ZMYND11: variants seen among roughly 807,000 people sequenced by gnomAD.
ZMYND11 encodes the protein zinc finger MYND domain-containing protein 11.
A neutral mutation model predicts 84.9 loss-of-function variants in ZMYND11; 9 were observed. The ratio of observed to expected loss-of-function variants is 0.11; its 90% CI spans 0.06 to 0.18. The LOEUF (loss-of-function observed/expected upper bound fraction) is 0.18. ZMYND11 is among the 10% of genes least tolerant of loss of function. The pLI, the probability that ZMYND11 is intolerant of heterozygous loss-of-function variation, is 1.00. For missense variants in ZMYND11, 409 were observed against 761.0 expected (o/e 0.54, Z 5.44); for synonymous variants, 250 against 244.1 (o/e 1.02, Z -0.23).
intron 4 of ZMYND11, among the ~76,000 whole-genome samples, chr10:232,615 G>C (rs1377366875): frequency 6.6e-6 from 1 of 152,206 alleles, no homozygotes; most frequent in Non-Finnish European, 1.5e-5. Flanking sequence ...CAGTGCTTGA[G>C]AAGGGCTTCA....
At chr10:178,372 GTATT>G (rs1847124499) in intron 1 of ZMYND11, among the ~76,000 whole-genome samples, 2 of 152,130 alleles carry the variant, frequency 1.3e-5, no homozygotes, top group Admixed American at 6.5e-5. Flanking sequence ...ATTTATCTGA[GTATT>G]TATATAATCT....
intron 3 of ZMYND11, among the ~76,000 whole-genome samples, chr10:220,336 A>C (rs920458775): frequency 6.6e-6 from 1 of 152,196 alleles, no homozygotes; most frequent in East Asian, 1.9e-4. Flanking sequence ...CACTCTTAGC[A>C]TAAATATATT....
intron 1 of ZMYND11, among the ~76,000 whole-genome samples, chr10:154,188 C>T (rs1186046121): frequency 6.6e-6 from 1 of 152,160 alleles, no homozygotes; most frequent in Non-Finnish European, 1.5e-5. Context: ...CACATTTTCT[C>T]TTCATTTTTC....
At chr10:151,396 G>T (rs190343868) in intron 1 of ZMYND11, among the ~76,000 whole-genome samples, 3 of 152,178 alleles carry the variant, frequency 2.0e-5, no homozygotes, top group African/African-American at 4.8e-5. Flanking sequence ...GAAAACCATC[G>T]CATGAGAACT....
At chr10:201,656 G>A (rs1038600814) in intron 2 of ZMYND11, among the ~76,000 whole-genome samples, 1 of 149,756 alleles carries the variant, frequency 6.7e-6, no homozygotes, top group Non-Finnish European at 1.5e-5. Flanking sequence ...TCTCGGGGAG[G>A]GGATCATCTC....
intron 4 of ZMYND11, among the ~76,000 whole-genome samples, chr10:236,383 C>T (rs973853396): frequency 2.0e-5 from 3 of 152,182 alleles, no homozygotes; most frequent in Admixed American, 1.3e-4. Context: ...TATGCAGCTG[C>T]GCTGTGCAAA....
intron 7 of ZMYND11, 65 bp downstream of exon 7, chr10:239,590 CTATCTTTTATAAAACAT>C: frequency 9.0e-7 from 1 of 1,108,400 alleles, no homozygotes; most frequent in Non-Finnish European, 1.3e-6. Flanking sequence ...ATGTTGAACA[CTATCTTTTATAAAACAT>C]TACTTTCAAA....
intron 2 of ZMYND11, among the ~76,000 whole-genome samples, chr10:180,538 T>A (rs938598347): frequency 5.9e-5 from 9 of 152,234 alleles, no homozygotes; most frequent in Admixed American, 5.9e-4. Context: ...TAGCTGGGAT[T>A]ACAGGCACCC....
intron 1 of ZMYND11, among the ~76,000 whole-genome samples, chr10:164,264 G>A (rs1249950766): frequency 6.6e-6 from 1 of 151,974 alleles, no homozygotes; most frequent in African/African-American, 2.4e-5. Flanking sequence ...CTCAATTAAC[G>A]GCTTTTGCAT....
intron 1 of ZMYND11, among the ~76,000 whole-genome samples, chr10:151,125 A>T (rs1416060480): frequency 6.6e-6 from 1 of 152,224 alleles, no homozygotes; most frequent in East Asian, 1.9e-4. Flanking sequence ...GAAAAAACAG[A>T]GCAGAAAAGC....
chr10:244,271 G>A (rs1313897427), intron 10 of ZMYND11, among the ~76,000 whole-genome samples: 1 of 152,164 alleles, frequency 6.6e-6, no homozygotes, highest in Non-Finnish European at 1.5e-5. Context: ...GCCACTGGTT[G>A]CAAGTTTTGG....
intron 12 of ZMYND11, among the ~76,000 whole-genome samples, chr10:247,852 G>A (rs1475121678): frequency 6.6e-6 from 1 of 152,206 alleles, no homozygotes; most frequent in African/African-American, 2.4e-5. Context: ...GGAGACTGTG[G>A]TTGAGCTCAG....
Position 248,542 on chromosome 10 carries a change from C to G in ZMYND11, c.1434C>G (p.Phe478Leu). The change falls in exon 13 of 15, where the codon TTC (phenylalanine) becomes TTG (leucine). Residue 478 changes from phenylalanine (F) to leucine (L), a missense_variant. Transcript: ENST00000381604. ...AATACACCAAGATCTTCAATGACTT[C>G]AAAGACCGGATGAAGTCGGACCACA... is the stretch of plus-strand genomic sequence containing the variant. ...HDKYTKIFND[F>L]KDRMKSDHKR... 1.2e-6 allele frequency: 2 copies of G among 1,614,000 alleles called. No homozygotes were observed. The highest frequency in any genetic ancestry group is 1.7e-6 in the Non-Finnish European group (2 of 1,180,024).
intron 2 of ZMYND11, among the ~76,000 whole-genome samples, chr10:188,531 AC>A (rs1459968350): frequency 6.6e-6 from 1 of 150,490 alleles, no homozygotes; most frequent in Non-Finnish European, 1.5e-5. Context: ...AGGTTGAGTT[AC>A]GGTGAGCCAT....
At chr10:153,240 T>A (rs1291007780) in intron 1 of ZMYND11, among the ~76,000 whole-genome samples, 14 of 152,224 alleles carry the variant, frequency 9.2e-5, no homozygotes, top group African/African-American at 3.4e-4. Flanking sequence ...CTCAAAAAAT[T>A]TGAGAAATGA....
chr10:250,647 A>G (rs1953253351), intron 14 of ZMYND11, among the ~76,000 whole-genome samples: 1 of 152,228 alleles, frequency 6.6e-6, no homozygotes, highest in Non-Finnish European at 1.5e-5. Context: ...TTTAAGATGA[A>G]GAATTTGAGG....
intron 2 of ZMYND11, among the ~76,000 whole-genome samples, chr10:194,356 A>G (rs1221370117): frequency 6.6e-6 from 1 of 152,128 alleles, no homozygotes; most frequent in Non-Finnish European, 1.5e-5. Flanking sequence ...ACGCCTGGCT[A>G]GTGTTTTCCA....
chr10:148,493 C>G (rs532062867), intron 1 of ZMYND11: 5 of 152,406 alleles, frequency 3.3e-5, no homozygotes, highest in Non-Finnish European at 7.3e-5. Context: ...CACTGTGGCT[C>G]CAACCCCTAC....
At chr10:200,062 G>T (rs1942763003) in intron 2 of ZMYND11, among the ~76,000 whole-genome samples, 1 of 151,324 alleles carries the variant, frequency 6.6e-6, no homozygotes, top group African/African-American at 2.4e-5. Flanking sequence ...TTCTAAAAAG[G>T]TCACCACTTC....
Sources: gnomAD v4.1 joint callset for allele counts (sites outside exome capture counted in the v4.1 genomes callset) on GRCh38, gnomAD v4.1.1 for gene constraint, MANE v1.5 for transcripts, NCBI Gene and HGNC (gene_info 2026-07-23, HGNC 2026-07-21) for gene names.